The following ADAM23 variants were observed in gnomAD, a reference collection of about 807,000 sequenced individuals.
ADAM23 encodes the protein ADAM metallopeptidase domain 23.
A neutral mutation model predicts 120.1 loss-of-function variants in ADAM23; 33 were observed. The ratio of observed to expected loss-of-function variants is 0.27; its 90% CI spans 0.21 to 0.37. ADAM23 has a LOEUF of 0.37. ADAM23 is among the 10% of genes least tolerant of loss of function. The pLI is 1.00. For missense variants in ADAM23, 862 were observed against 1,058.2 expected (o/e 0.81, Z 2.57); for synonymous variants, 367 against 375.2 (o/e 0.98, Z 0.25).
intron 3 of ADAM23, among the ~76,000 whole-genome samples, chr2:206,497,457 T>C (rs557138631): frequency 3.3e-5 from 5 of 152,284 alleles, no homozygotes; most frequent in South Asian, 4.1e-4. Flanking sequence ...CAACAACCCT[T>C]CATGCTAAAA....
chr2:206,496,195 T>C (rs1696243302), intron 3 of ADAM23, among the ~76,000 whole-genome samples: 1 of 152,072 alleles, frequency 6.6e-6, no homozygotes, highest in African/African-American at 2.4e-5. Context: ...CAACAGAATA[T>C]ACATTCTTTT....
intron 6 of ADAM23, among the ~76,000 whole-genome samples, chr2:206,543,750 T>C (rs1018190097): frequency 2.7e-5 from 4 of 149,908 alleles, no homozygotes; most frequent in Non-Finnish European, 4.5e-5. Flanking sequence ...TAAAATGTGA[T>C]ACACACACAC....
At chr2:206,518,276 ATACT>A (rs1204327485) in intron 3 of ADAM23, among the ~76,000 whole-genome samples, 4 of 152,198 alleles carry the variant, frequency 2.6e-5, no homozygotes, top group Non-Finnish European at 4.4e-5. Flanking sequence ...TCGAGTGTAA[ATACT>A]TAATAATAGT....
At chr2:206,472,328 G>C (rs1024846692) in intron 2 of ADAM23, among the ~76,000 whole-genome samples, 1 of 152,038 alleles carries the variant, frequency 6.6e-6, no homozygotes, top group Admixed American at 6.6e-5. Flanking sequence ...AGAGTACTTC[G>C]GCTGGGCGAA....
intron 24 of ADAM23, among the ~76,000 whole-genome samples, chr2:206,603,178 T>C (rs767232177): frequency 2.0e-5 from 3 of 150,846 alleles, no homozygotes; most frequent in Non-Finnish European, 3.0e-5. Flanking sequence ...GATAAATTAG[T>C]GTAGAAGTAG....
At position 206,446,556 on chromosome 2, in the gene ADAM23, G is replaced by A. The variant is rs574414101; in HGVS notation, c.432+1032G>A. Among the ~76,000 whole-genome samples, 49 of 152,180 alleles carry A rather than the reference G, an allele frequency of 3.2e-4. No homozygotes were observed. The South Asian group carries it at 6.9e-3, about 21-fold the overall frequency. On this transcript the variant is annotated intron_variant, in intron 2 of 25. Transcript: ENST00000264377. ...CAGTATTTATCCCCATTTTACAAAT[G>A]GGGAGCTAGAAATTTAAGGCTTTTG...
chr2:206,531,462 G>T (rs749226766), intron 4 of ADAM23, among the ~76,000 whole-genome samples: 3 of 152,200 alleles, frequency 2.0e-5, no homozygotes, highest in Non-Finnish European at 4.4e-5. Flanking sequence ...GGGCAAATAA[G>T]CCTGCTTAAG....
intron 3 of ADAM23, among the ~76,000 whole-genome samples, chr2:206,530,625 A>G (rs1252104458): frequency 1.3e-5 from 2 of 150,522 alleles, no homozygotes; most frequent in Admixed American, 6.6e-5. Flanking sequence ...CAAAAAGAAA[A>G]AAAAAAAAAA....
At chr2:206,583,799 T>C (rs1304717181) in intron 18 of ADAM23, among the ~76,000 whole-genome samples, 1 of 152,196 alleles carries the variant, frequency 6.6e-6, no homozygotes, top group South Asian at 2.1e-4. Flanking sequence ...TGGCTTTGCC[T>C]TTCTCTGGTC....
intron 24 of ADAM23, among the ~76,000 whole-genome samples, chr2:206,598,736 C>T (rs531976337): frequency 1.3e-5 from 2 of 151,864 alleles, no homozygotes; most frequent in Non-Finnish European, 2.9e-5. Flanking sequence ...CCCATCCCTA[C>T]TAAAAATACA....
chr2:206,607,309 T>C (rs1353945294), intron 24 of ADAM23: 2 of 152,260 alleles, frequency 1.3e-5, no homozygotes, highest in Non-Finnish European at 2.9e-5. Context: ...AATTTCCCCT[T>C]GGATCTGTTG....
chr2:206,472,367 T>G (rs1418072679), intron 2 of ADAM23, among the ~76,000 whole-genome samples: 1 of 152,044 alleles, frequency 6.6e-6, no homozygotes, highest in African/African-American at 2.4e-5. Flanking sequence ...CCCAGTACCT[T>G]GGGAGGCCGA....
intron 9 of ADAM23, among the ~76,000 whole-genome samples, chr2:206,552,305 A>G (rs959746652): frequency 2.0e-5 from 3 of 152,174 alleles, no homozygotes; most frequent in Non-Finnish European, 4.4e-5. Flanking sequence ...TTCTACCATA[A>G]TATATCAGGA....
chr2:206,490,169 A>C (rs905722671), intron 3 of ADAM23, among the ~76,000 whole-genome samples: 1 of 152,238 alleles, frequency 6.6e-6, no homozygotes, highest in Non-Finnish European at 1.5e-5. Context: ...GTGAAGACAC[A>C]GTGAGATGGA....
chr2:206,491,803 T>A (rs2105886149), intron 3 of ADAM23, among the ~76,000 whole-genome samples: 1 of 152,340 alleles, frequency 6.6e-6, no homozygotes, highest in East Asian at 1.9e-4. Context: ...AGAGGAATTA[T>A]CCCTTGACGC....
chr2:206,607,953 C>T, intron 24 of ADAM23: 1 of 336,536 alleles, frequency 3.0e-6, no homozygotes. Context: ...TGATTCTAAT[C>T]CTAGCCTGTT....
Position 206,477,308 on chromosome 2 carries a change from G to C in ADAM23, c.433-3924G>C, listed in dbSNP as rs975752891. On this transcript the variant is annotated intron_variant, in intron 2 of 25. Transcript: ENST00000264377. ...TGTAAACTGTTCTCCAGTGAAGGAG[G>C]TTTGTGTATATAATTGAGTTTAATT... Among the ~76,000 whole-genome samples the C allele has an allele frequency of 3.2e-4, 48 of 152,138 alleles. 2 individuals carry two copies. Among genetic ancestry groups the C allele is most frequent in the Non-Finnish European group, 1.5e-5 (1 of 68,018 alleles).
intron 3 of ADAM23, among the ~76,000 whole-genome samples, chr2:206,514,818 G>C (rs976585769): frequency 6.6e-6 from 1 of 152,178 alleles, no homozygotes; most frequent in East Asian, 1.9e-4. Flanking sequence ...TCAACATCAA[G>C]ACAAGACCCT....
intron 3 of ADAM23, among the ~76,000 whole-genome samples, chr2:206,495,503 C>T (rs1290718498): frequency 2.0e-5 from 3 of 152,178 alleles, no homozygotes; most frequent in Non-Finnish European, 4.4e-5. Flanking sequence ...GAAGGAAGCA[C>T]TAAACATGGA....
Sources: gnomAD v4.1 joint callset for allele counts (sites outside exome capture counted in the v4.1 genomes callset) on GRCh38, gnomAD v4.1.1 for gene constraint, MANE v1.5 for transcripts, NCBI Gene and HGNC (gene_info 2026-07-23, HGNC 2026-07-21) for gene names.